ZNF385B: variants seen among roughly 807,000 people sequenced by gnomAD.
The protein encoded by ZNF385B is zinc finger protein 533.
In ZNF385B, 23 loss-of-function variants were observed where a neutral mutation model predicts 39.2. The ratio of observed to expected loss-of-function variants is 0.59; its 90% CI spans 0.42 to 0.83. The LOEUF is 0.83. Among genes scored for constraint, ZNF385B ranks in the 40% least tolerant of loss-of-function variants. The probability of loss-of-function intolerance (pLI) is 0.00; values close to 1 mark genes in which losing one functional copy is unlikely to be tolerated. For synonymous variants in ZNF385B, 205 were observed against 222.6 expected (o/e 0.92, Z 0.70); for missense variants, 552 against 598.9 (o/e 0.92, Z 0.82).
chr2:179,856,626 A>C (rs1272616033), intron 1 of ZNF385B, among the ~76,000 whole-genome samples: 2 of 1,634 alleles, frequency 1.2e-3, no homozygotes, highest in East Asian at 0.5. Context: ...AGCAGAGACA[A>C]AAAAAAAAAA....
chr2:179,697,785 A>C (rs1265681687), intron 3 of ZNF385B, among the ~76,000 whole-genome samples: 1 of 152,192 alleles, frequency 6.6e-6, no homozygotes. Context: ...AAGGAATGAA[A>C]TCATTAAAAA....
intron 3 of ZNF385B, among the ~76,000 whole-genome samples, chr2:179,712,149 A>G (rs1283350538): frequency 3.3e-5 from 5 of 152,068 alleles, no homozygotes; most frequent in Admixed American, 6.5e-5. Context: ...TAATTCAACT[A>G]TTACATTCTC....
intron 3 of ZNF385B, among the ~76,000 whole-genome samples, chr2:179,704,461 G>GA (rs1398599443): frequency 1.3e-5 from 2 of 151,964 alleles, no homozygotes; most frequent in Non-Finnish European, 2.9e-5. Context: ...GCTTTGATAA[G>GA]AAAAAAATAG....
At chr2:179,599,099 A>G (rs1688218609) in intron 3 of ZNF385B, among the ~76,000 whole-genome samples, 1 of 152,260 alleles carries the variant, frequency 6.6e-6, no homozygotes, top group Admixed American at 6.5e-5. Context: ...GATAGATTGC[A>G]TATACAATGG....
intron 3 of ZNF385B, among the ~76,000 whole-genome samples, chr2:179,668,384 C>A (rs926350132): frequency 6.6e-6 from 1 of 152,202 alleles, no homozygotes; most frequent in Non-Finnish European, 1.5e-5. Flanking sequence ...GCCATGCCCT[C>A]ATATTCTCCT....
chr2:179,673,170 A>G (rs1472501902), intron 3 of ZNF385B, among the ~76,000 whole-genome samples: 1 of 152,190 alleles, frequency 6.6e-6, no homozygotes, highest in East Asian at 1.9e-4. Context: ...AGAAACCCCA[A>G]GCCAAGCGAA....
chr2:179,478,617 T>C (rs1160845064), intron 6 of ZNF385B, among the ~76,000 whole-genome samples: 1 of 152,258 alleles, frequency 6.6e-6, no homozygotes, highest in Non-Finnish European at 1.5e-5. Context: ...TTCATCTGTT[T>C]AGACAGCAAC....
chr2:179,719,128 T>C (rs1374404914), intron 3 of ZNF385B, among the ~76,000 whole-genome samples: 2 of 152,148 alleles, frequency 1.3e-5, no homozygotes, highest in Admixed American at 6.6e-5. Flanking sequence ...ATGTTGCCCA[T>C]GGACAACCTA....
At chr2:179,462,683 TATCATC>T (rs2051473972) in intron 6 of ZNF385B, among the ~76,000 whole-genome samples, 1 of 152,096 alleles carries the variant, frequency 6.6e-6, no homozygotes, top group African/African-American at 2.4e-5. Context: ...GATGCTAGAG[TATCATC>T]ACTATATTGT....
intron 1 of ZNF385B, among the ~76,000 whole-genome samples, chr2:179,779,546 T>C (rs771264331): frequency 7.2e-5 from 11 of 151,904 alleles, no homozygotes; most frequent in Non-Finnish European, 1.5e-4. Context: ...GGGTGCAGAG[T>C]AGAGAGGGTG....
At chr2:179,692,134 TCAC>T (rs1698402531) in intron 3 of ZNF385B, among the ~76,000 whole-genome samples, 1 of 152,168 alleles carries the variant, frequency 6.6e-6, no homozygotes, top group South Asian at 2.1e-4. Flanking sequence ...GTGTACCCAC[TCAC>T]CACATCCCTT....
chr2:179,573,360 T>C (rs1172535592), intron 3 of ZNF385B, among the ~76,000 whole-genome samples: 1 of 152,134 alleles, frequency 6.6e-6, no homozygotes, highest in East Asian at 1.9e-4. Flanking sequence ...AGTATAATTT[T>C]TAATTTTTAT....
chr2:179,707,727 C>T (rs979081009), intron 3 of ZNF385B, among the ~76,000 whole-genome samples: 7 of 152,186 alleles, frequency 4.6e-5, no homozygotes, highest in Non-Finnish European at 1.0e-4. Context: ...GCGCTGCCAG[C>T]AAGAAAGACA....
At chr2:179,717,802 C>T (rs1265762181) in intron 3 of ZNF385B, among the ~76,000 whole-genome samples, 2 of 152,086 alleles carry the variant, frequency 1.3e-5, no homozygotes, top group Non-Finnish European at 2.9e-5. Context: ...TCTCATTATA[C>T]CTACAAAAAC....
chr2:179,534,519 T>C (rs1235427333), intron 4 of ZNF385B, among the ~76,000 whole-genome samples: 1 of 152,122 alleles, frequency 6.6e-6, no homozygotes, highest in East Asian at 1.9e-4. Context: ...TCATATACCC[T>C]CAATTCCTCA....
intron 3 of ZNF385B, among the ~76,000 whole-genome samples, chr2:179,738,123 A>G (rs990167393): frequency 6.6e-6 from 1 of 152,192 alleles, no homozygotes; most frequent in Non-Finnish European, 1.5e-5. Context: ...ACCATGTCCA[A>G]AGAAAAAAGG....
chr2:179,751,175 A>T (rs1482448495), intron 3 of ZNF385B, among the ~76,000 whole-genome samples: 1 of 56,474 alleles, frequency 1.8e-5, no homozygotes, highest in Non-Finnish European at 3.3e-5. Flanking sequence ...ACCCCCTGCC[A>T]TGTCTCCCCT....
At chr2:179,785,624 A>C (rs989550982) in intron 1 of ZNF385B, among the ~76,000 whole-genome samples, 8 of 152,146 alleles carry the variant, frequency 5.3e-5, no homozygotes, top group Non-Finnish European at 1.0e-4. Context: ...TAAGTGGAGG[A>C]AGTAACTGCA....
chr2:179,626,436 A>G (rs1690670600), intron 3 of ZNF385B, among the ~76,000 whole-genome samples: 1 of 152,168 alleles, frequency 6.6e-6, no homozygotes, highest in African/African-American at 2.4e-5. Context: ...AGAAATCCAA[A>G]ATACGTAGAT....
Sources: gnomAD v4.1 joint callset for allele counts (sites outside exome capture counted in the v4.1 genomes callset) on GRCh38, gnomAD v4.1.1 for gene constraint, MANE v1.5 for transcripts, NCBI Gene and HGNC (gene_info 2026-07-23, HGNC 2026-07-21) for gene names.